AFF3: variants seen among roughly 807,000 people sequenced by gnomAD.
AFF3 encodes AF4/FMR2 family member 3.
A neutral mutation model predicts 129.7 loss-of-function variants in AFF3; 32 were observed. That is an observed-to-expected ratio of 0.25 (90% CI 0.19 to 0.33). The LOEUF is 0.33. AFF3 is among the 10% of genes least tolerant of loss of function. The pLI is 1.00. For missense variants in AFF3, 1,373 were observed against 1,592.0 expected (o/e 0.86, Z 2.34); for synonymous variants, 644 against 635.4 (o/e 1.01, Z -0.20).
chr2:99,573,838 A>G (rs1417688688), intron 18 of AFF3, among the ~76,000 whole-genome samples: 1 of 152,134 alleles, frequency 6.6e-6, no homozygotes. Context: ...TGACTTTTCC[A>G]TGTGACATAC....
chr2:100,142,120 C>T (rs899222938), intron 1 of AFF3, among the ~76,000 whole-genome samples: 3 of 152,142 alleles, frequency 2.0e-5, no homozygotes, highest in Admixed American at 2.0e-4. Flanking sequence ...GAGGTTAAGA[C>T]ACACTTTTCA....
intron 7 of AFF3, among the ~76,000 whole-genome samples, chr2:99,877,345 G>A (rs529636878): frequency 6.6e-6 from 1 of 152,214 alleles, no homozygotes; most frequent in Admixed American, 6.5e-5. Context: ...GCATGCATTT[G>A]GGATGCCAGG....
intron 8 of AFF3, among the ~76,000 whole-genome samples, chr2:99,755,888 A>G (rs1682057984): frequency 6.6e-6 from 1 of 152,216 alleles, no homozygotes; most frequent in Non-Finnish European, 1.5e-5. Context: ...GGCTTCTCCT[A>G]CACAAGGGGA....
At chr2:99,708,646 A>G (rs184232870) in intron 11 of AFF3, among the ~76,000 whole-genome samples, 64 of 152,332 alleles carry the variant, frequency 4.2e-4, no homozygotes, top group Non-Finnish European at 2.2e-4. Context: ...GATTAGTAAT[A>G]GTGATTATTA....
At chr2:99,922,348 C>T (rs1271072452) in intron 7 of AFF3, among the ~76,000 whole-genome samples, 1 of 152,138 alleles carries the variant, frequency 6.6e-6, no homozygotes, top group African/African-American at 2.4e-5. Context: ...GATCAGCCAA[C>T]TGCGCTTTAT....
intron 8 of AFF3, among the ~76,000 whole-genome samples, chr2:99,834,574 C>T (rs777241312): frequency 1.3e-5 from 2 of 152,130 alleles, no homozygotes; most frequent in Admixed American, 6.5e-5. Context: ...TGGCTTCTGC[C>T]CCCTCTACTC....
chr2:99,606,807 A>G (rs963764422), intron 13 of AFF3, among the ~76,000 whole-genome samples: 6 of 149,504 alleles, frequency 4.0e-5, no homozygotes, highest in Non-Finnish European at 5.9e-5. Flanking sequence ...CCAGCTACTC[A>G]GGAGGCTGAG....
chr2:99,764,785 C>T (rs959290420), intron 8 of AFF3, among the ~76,000 whole-genome samples: 103 of 152,184 alleles, frequency 6.8e-4, no homozygotes, highest in African/African-American at 2.3e-3. Context: ...ACCCAGGTGA[C>T]TCCAACTTCA....
At chr2:100,122,994 T>G (rs1232460648) in intron 2 of AFF3, among the ~76,000 whole-genome samples, 1 of 152,268 alleles carries the variant, frequency 6.6e-6, no homozygotes, top group Non-Finnish European at 1.5e-5. Flanking sequence ...AATGCTTATT[T>G]TTGAATTTTT....
intron 11 of AFF3, among the ~76,000 whole-genome samples, chr2:99,684,524 T>C (rs1317609896): frequency 6.6e-6 from 1 of 152,154 alleles, no homozygotes; most frequent in Non-Finnish European, 1.5e-5. Context: ...AAGACTTCAA[T>C]GTTCCATATT....
intron 7 of AFF3, among the ~76,000 whole-genome samples, chr2:99,866,962 CATAATAATAATA>C (rs1191700795): frequency 1.4e-4 from 13 of 93,896 alleles, no homozygotes; most frequent in African/African-American, 6.0e-4. Flanking sequence ...GGTAACACAG[CATAATAATAATA>C]ATAATAATAA....
chr2:99,818,289 A>G (rs1687394613), intron 8 of AFF3, among the ~76,000 whole-genome samples: 1 of 152,240 alleles, frequency 6.6e-6, no homozygotes, highest in African/African-American at 2.4e-5. Flanking sequence ...GATAAGAGAT[A>G]CTCAAATCAT....
chr2:100,015,953 GTGATGGTGA>G (rs1439055047), intron 4 of AFF3, among the ~76,000 whole-genome samples: 87 of 152,052 alleles, frequency 5.7e-4, no homozygotes, highest in African/African-American at 2.1e-3. Flanking sequence ...GGTGGTGGTG[GTGATGGTGA>G]TGATGATGGT....
intron 11 of AFF3, among the ~76,000 whole-genome samples, chr2:99,701,615 C>T (rs942713658): frequency 3.3e-5 from 5 of 152,124 alleles, no homozygotes; most frequent in African/African-American, 7.2e-5. Context: ...AGTAAAATGT[C>T]GAAACCAGGA....
chr2:99,780,756 G>C (rs1317820904), intron 8 of AFF3, among the ~76,000 whole-genome samples: 1 of 152,012 alleles, frequency 6.6e-6, no homozygotes, highest in Non-Finnish European at 1.5e-5. Flanking sequence ...CTTTCACCCT[G>C]AGCATGCCAT....
chr2:100,126,842 T>C (rs1041058807), intron 2 of AFF3, among the ~76,000 whole-genome samples: 1 of 152,224 alleles, frequency 6.6e-6, no homozygotes, highest in Admixed American at 6.5e-5. Flanking sequence ...TAATTGAATA[T>C]TTTATTTCTA....
At chr2:100,128,438 C>A (rs1170947600) in intron 2 of AFF3, among the ~76,000 whole-genome samples, 1 of 152,164 alleles carries the variant, frequency 6.6e-6, no homozygotes, top group East Asian at 1.9e-4. Flanking sequence ...TCTCCAGAGG[C>A]CTCTGATTTT....
intron 11 of AFF3, among the ~76,000 whole-genome samples, chr2:99,674,242 C>T (rs563136165): frequency 2.0e-5 from 3 of 152,170 alleles, no homozygotes; most frequent in Non-Finnish European, 4.4e-5. Context: ...ATGTCTGGCA[C>T]GCCATTCATT....
chr2:99,974,407 C>T (rs1678680259), intron 7 of AFF3, among the ~76,000 whole-genome samples: 1 of 152,194 alleles, frequency 6.6e-6, no homozygotes, highest in East Asian at 1.9e-4. Flanking sequence ...CAAAAGTGAG[C>T]ACAGTGTTGA....
Sources: allele counts gnomAD v4.1 joint callset (sites outside exome capture counted in the v4.1 genomes callset), GRCh38; gene constraint gnomAD v4.1.1; transcripts MANE v1.5; gene names NCBI Gene and HGNC (gene_info 2026-07-23, HGNC 2026-07-21).